The following DNAJC15 variants were observed in gnomAD, a reference collection of about 807,000 sequenced individuals.
The protein encoded by DNAJC15 is DnaJ heat shock protein family (Hsp40) member C15, also known as dnaJ homolog subfamily C member 15.
In DNAJC15, 27 loss-of-function variants were observed where a neutral mutation model predicts 22.4. The ratio of observed to expected loss-of-function variants is 1.20; its 90% CI spans 0.89 to 1.66. DNAJC15 has a LOEUF of 1.66. Among genes scored for constraint, DNAJC15 ranks in the 40% most tolerant of loss-of-function variants. The pLI is 0.00. For synonymous variants in DNAJC15, 79 were observed against 63.2 expected, an observed-to-expected ratio of 1.25 and a Z score of -1.19; for missense variants, 208 against 187.1, an observed-to-expected ratio of 1.11 and a Z score of -0.65.
At chr13:43,105,953 T>C (rs990259320) in intron 5 of DNAJC15, among the ~76,000 whole-genome samples, 3 of 152,358 alleles carry the variant, frequency 2.0e-5, no homozygotes, top group African/African-American at 4.8e-5. Flanking sequence ...CATAAGTGTT[T>C]ATAGCAATTC....
At chr13:43,098,119 T>TA (rs1484101828) in intron 5 of DNAJC15, among the ~76,000 whole-genome samples, 1 of 152,128 alleles carries the variant, frequency 6.6e-6, no homozygotes, top group Non-Finnish European at 1.5e-5. Context: ...ATCAAATACT[T>TA]AAAATGTGGC....
intron 1 of DNAJC15, among the ~76,000 whole-genome samples, chr13:43,043,668 T>A (rs892192860): frequency 2.0e-5 from 3 of 152,236 alleles, no homozygotes; most frequent in Non-Finnish European, 4.4e-5. Context: ...CCTAACATGT[T>A]TGGCCTCTGA....
chr13:43,028,383 G>T (rs755175439), intron 1 of DNAJC15, among the ~76,000 whole-genome samples: 1 of 151,704 alleles, frequency 6.6e-6, no homozygotes, highest in Non-Finnish European at 1.5e-5. Flanking sequence ...TTTTTTCATG[G>T]TATTCCTTCC....
intron 5 of DNAJC15, 95 bp downstream of exon 5, chr13:43,085,933 A>G (rs1393725864): frequency 3.5e-6 from 4 of 1,129,676 alleles, no homozygotes; most frequent in Middle Eastern, 2.6e-4. Context: ...GTTGAGATGG[A>G]AGTTTGTGCG....
chr13:43,037,292 T>TA (rs1397717236), intron 1 of DNAJC15, among the ~76,000 whole-genome samples: 1 of 152,188 alleles, frequency 6.6e-6, no homozygotes, highest in Admixed American at 6.5e-5. Context: ...GTACATCAGA[T>TA]ATAAGCCGAA....
At chr13:43,060,222 G>A (rs985214975) in intron 1 of DNAJC15, among the ~76,000 whole-genome samples, 148 of 152,298 alleles carry the variant, frequency 9.7e-4, no homozygotes, top group African/African-American at 3.3e-3. Flanking sequence ...ATTCGAGCGG[G>A]ATTAGGGGCG....
intron 5 of DNAJC15, among the ~76,000 whole-genome samples, chr13:43,103,765 G>A (rs535346151): frequency 1.2e-3 from 184 of 152,112 alleles, no homozygotes; most frequent in Non-Finnish European, 2.4e-3. Flanking sequence ...TAGATTTGTG[G>A]GTTTTTCCTT....
intron 1 of DNAJC15, among the ~76,000 whole-genome samples, chr13:43,036,350 A>G (rs2040428919): frequency 2.0e-5 from 3 of 152,034 alleles, no homozygotes; most frequent in Admixed American, 2.0e-4. Flanking sequence ...CAGAGAGGAG[A>G]CTGGAGTGGG....
rs1049250440 is a variant in DNAJC15 at position 43,108,912 on chromosome 13, C to T, written c.*1664C>T. ...TATTTCTTGCTTTAAAGTCCCCATA[C>T]GTGTCCTACTAATTTTCTCATGCTT... is the stretch of plus-strand genomic sequence containing the variant. On this transcript the variant is annotated 3_prime_UTR_variant, in exon 6 of 6. Transcript: ENST00000379221. The T allele has an allele frequency of 3.9e-5, 6 of 152,168 alleles. No homozygotes were observed. Among genetic ancestry groups the T allele is most frequent in the African/African-American group, 1.4e-4 (6 of 41,458 alleles). The allele number at this position is 152,168 out of a possible 1,614,324, so 9.4% of individuals were successfully genotyped here. A position where few individuals can be genotyped will look rare whatever the true frequency, so the allele number is the denominator to read the frequency against.
chr13:43,093,200 GTTTTCTT>G (rs1383675363), intron 5 of DNAJC15, among the ~76,000 whole-genome samples: 1 of 151,618 alleles, frequency 6.6e-6, no homozygotes, highest in Non-Finnish European at 1.5e-5. Flanking sequence ...TCTTCCCTCT[GTTTTCTT>G]AAATATATTA....
chr13:43,077,189 CTG>C (rs1055676385), intron 3 of DNAJC15, among the ~76,000 whole-genome samples: 13 of 152,320 alleles, frequency 8.5e-5, no homozygotes, highest in Non-Finnish European at 1.5e-4. Context: ...CTCCTCATGT[CTG>C]TTATTCACAA....
In DNAJC15 at chr13:43,024,743, C is replaced by A. The variant is rs183828302; in HGVS notation, c.108+1009C>A. ...CTTTAACCTGATATATGCACAGTTGCATGGTAATTTTCAACATTCAATATG... is the reference window on the plus strand; with the variant it reads ...CTTTAACCTGATATATGCACAGTTGAATGGTAATTTTCAACATTCAATATG... On this transcript the variant is annotated intron_variant, in intron 1 of 5. Transcript: ENST00000379221. 2.8e-4 allele frequency among the ~76,000 whole-genome samples: 42 copies of A among 151,680 alleles called. No homozygotes were observed. In the East Asian group the frequency reaches 6.6e-3, roughly 24 times the overall value.
chr13:43,025,460 G>A (rs1371600428), intron 1 of DNAJC15, among the ~76,000 whole-genome samples: 1 of 152,166 alleles, frequency 6.6e-6, no homozygotes, highest in African/African-American at 2.4e-5. Context: ...TAAAGTGTAG[G>A]CCAGTGATTC....
At chr13:43,060,928 C>G (rs574943345) in intron 1 of DNAJC15, among the ~76,000 whole-genome samples, 33 of 152,294 alleles carry the variant, frequency 2.2e-4, no homozygotes, top group African/African-American at 7.7e-4. Context: ...ATTTTAGTTT[C>G]CTGACATGTG....
At chr13:43,061,329 T>C (rs2040557995) in intron 1 of DNAJC15, among the ~76,000 whole-genome samples, 2 of 152,134 alleles carry the variant, frequency 1.3e-5, no homozygotes, top group African/African-American at 4.8e-5. Flanking sequence ...TAGCTGCTTT[T>C]TTAGTTACCT....
At chr13:43,056,002 G>A (rs1300939923) in intron 1 of DNAJC15, among the ~76,000 whole-genome samples, 4 of 152,076 alleles carry the variant, frequency 2.6e-5, no homozygotes, top group Non-Finnish European at 5.9e-5. Context: ...TTGACCCAAA[G>A]ATCATTCAGG....
At chr13:43,039,018 G>A (rs994460195) in intron 1 of DNAJC15, among the ~76,000 whole-genome samples, 5 of 152,114 alleles carry the variant, frequency 3.3e-5, no homozygotes, top group Admixed American at 1.3e-4. Flanking sequence ...AGATAGGGGT[G>A]TTTTGTTGAG....
intron 1 of DNAJC15, among the ~76,000 whole-genome samples, chr13:43,042,623 G>A (rs547826327): frequency 6.6e-6 from 1 of 152,346 alleles, no homozygotes; most frequent in East Asian, 1.9e-4. Flanking sequence ...GCCACATAAG[G>A]TAGGGACCAG....
chr13:43,090,254 C>T (rs563996424), intron 5 of DNAJC15, among the ~76,000 whole-genome samples: 1 of 152,332 alleles, frequency 6.6e-6, no homozygotes, highest in East Asian at 1.9e-4. Flanking sequence ...CCTTGTTTTG[C>T]ATGGGCATGG....
Sources: gnomAD v4.1 joint callset for allele counts (sites outside exome capture counted in the v4.1 genomes callset) on GRCh38, gnomAD v4.1.1 for gene constraint, MANE v1.5 for transcripts, NCBI Gene and HGNC (gene_info 2026-07-23, HGNC 2026-07-21) for gene names.